Variants in REV3L observed in about 807,000 individuals in gnomAD.
REV3L encodes the protein REV3 like, DNA directed polymerase zeta catalytic subunit, also known as DNA polymerase zeta catalytic subunit.
Under a neutral mutation model 299.4 loss-of-function variants are expected in REV3L, and 69 were observed. That is an observed-to-expected ratio of 0.23 (90% CI 0.19 to 0.28). REV3L has a LOEUF of 0.28. REV3L is among the 10% of genes least tolerant of loss of function. The probability of loss-of-function intolerance (pLI) is 1.00; values close to 1 mark genes in which losing one functional copy is unlikely to be tolerated. For missense variants in REV3L, 3,128 were observed against 3,693.8 expected, an observed-to-expected ratio of 0.85 and a Z score of 3.97; for synonymous variants, 1,238 against 1,271.4, an observed-to-expected ratio of 0.97 and a Z score of 0.56.
intron 3 of REV3L, among the ~76,000 whole-genome samples, chr6:111,407,254 T>C (rs938985165): frequency 2.6e-5 from 4 of 152,230 alleles, no homozygotes; most frequent in African/African-American, 9.6e-5. Flanking sequence ...GCTATTCATA[T>C]ACATTTGGAA....
rs1779362443 is a variant in REV3L, at chr6:111,367,668, T to C, written c.6120A>G (p.Ser2040=). 6.2e-7 allele frequency: 1 copy of C among 1,614,232 alleles called. No homozygotes were observed. The highest frequency in any genetic ancestry group is 8.5e-7 in the Non-Finnish European group (1 of 1,180,034). Residue 2040 remains serine (S), a synonymous_variant, in exon 14 of 32, where the codon TCA becomes TCG. Transcript: ENST00000368802. ...VVKSAENFSS[S]VNPDDKPVVP... The stretch of plus-strand genomic sequence containing the variant: ...CTACAGGTTTGTCATCTGGGTTAAC[T>C]GAAGAGCTAAAGTTCTCAGCAGATT...
intron 1 of REV3L, among the ~76,000 whole-genome samples, chr6:111,466,803 C>T (rs1250167873): frequency 1.3e-5 from 2 of 152,124 alleles, no homozygotes; most frequent in East Asian, 1.9e-4. Context: ...GATCGCACCA[C>T]AGCACTCTAG....
intron 25 of REV3L, among the ~76,000 whole-genome samples, chr6:111,325,998 C>T (rs906921645): frequency 6.7e-6 from 1 of 150,300 alleles, no homozygotes; most frequent in Admixed American, 6.6e-5. Context: ...TTTTTAGTTT[C>T]CATAAGAGTG....
At position 111,319,660 on chromosome 6, in the gene REV3L, T is replaced by A. The variant is rs150732653; in HGVS notation, c.8351+2909A>T. On this transcript the variant is annotated intron_variant, in intron 26 of 31. Coordinates refer to ENST00000368802, the MANE Select transcript of REV3L (RefSeq NM_001372078.1). ...AAAATAACTAAACGTTTAATTGGAATGTCATCATAATTGGAAGGTCATTTA... is the reference window on the plus strand; with the variant it reads ...AAAATAACTAAACGTTTAATTGGAAAGTCATCATAATTGGAAGGTCATTTA... Among the ~76,000 whole-genome samples the A allele has an allele frequency of 3.4e-3, 512 of 151,946 alleles. 4 individuals carry two copies. The highest frequency in any genetic ancestry group is 0.012 in the African/African-American group (491 of 41,244).
At chr6:111,344,296 CTTATT>C (rs755725645) in intron 20 of REV3L, among the ~76,000 whole-genome samples, 7 of 152,146 alleles carry the variant, frequency 4.6e-5, no homozygotes, top group African/African-American at 1.4e-4. Flanking sequence ...TCATATAATA[CTTATT>C]TTAAGAGATT....
In REV3L at chr6:111,310,115, GA is replaced by G. The variant is rs777513477; in HGVS notation, c.8796-17del. 7 of 1,493,980 alleles carry G rather than the reference GA, an allele frequency of 4.7e-6. No homozygotes were observed. The highest frequency in any genetic ancestry group is 6.2e-6 in the Non-Finnish European group (7 of 1,120,752). The allele number at this position is 1,493,980 out of a possible 1,614,324, so 92.5% of individuals were successfully genotyped here. A position where few individuals can be genotyped will look rare whatever the true frequency, so the allele number is the denominator to read the frequency against. Reference sequence around the variant, plus strand: ...CAGCATTTTCCTATTCGAATTCAAAGAAAAAAACCACACCCAAATACTGTTA... The same window carrying G: ...CAGCATTTTCCTATTCGAATTCAAAGAAAAAACCACACCCAAATACTGTTA... On this transcript the variant is annotated splice_polypyrimidine_tract_variant and intron_variant, in intron 29 of 31. Coordinates refer to ENST00000368802, the MANE Select transcript of REV3L (RefSeq NM_001372078.1).
chr6:111,337,121 A>C (rs1411863096), intron 21 of REV3L, among the ~76,000 whole-genome samples: 1 of 152,122 alleles, frequency 6.6e-6, no homozygotes, highest in Non-Finnish European at 1.5e-5. Context: ...AAGGTTGAAG[A>C]GTGGTGGCTA....
At chr6:111,478,544 T>C (rs1793217276) in intron 1 of REV3L, among the ~76,000 whole-genome samples, 1 of 151,982 alleles carries the variant, frequency 6.6e-6, no homozygotes, top group Non-Finnish European at 1.5e-5. Context: ...CAAAGCAGAT[T>C]CTATTAGAGA....
chr6:111,342,079 T>G (rs1776550804), intron 21 of REV3L, among the ~76,000 whole-genome samples: 1 of 152,188 alleles, frequency 6.6e-6, no homozygotes, highest in Non-Finnish European at 1.5e-5. Flanking sequence ...GTTTGGAGAT[T>G]GAATCCTACA....
rs1279192090 is a variant in REV3L, at chr6:111,373,049, T to C, written c.5306A>G (p.Asp1769Gly). The change falls in exon 13 of 32, where the codon GAC (aspartate) becomes GGC (glycine). Residue 1769 changes from aspartate (D) to glycine (G), a missense_variant. By Grantham distance (94) the Asp-to-Gly change is moderately conservative. Around this residue, in one of 9 missense-constraint regions of REV3L, gnomAD observed 2,409 missense variants for 2,611.8 expected, o/e 0.92. Coordinates refer to ENST00000368802, the MANE Select transcript of REV3L (RefSeq NM_001372078.1). ...MDSFCVQQAE[D>G]CLSEKSRLNR... ...CAATCTAGATTTTTCACTTAGACAG[T>C]CTTCTGCCTGCTGAACACAGAAAGA... 1.9e-6 allele frequency: 3 copies of C among 1,614,168 alleles called. No individual in the cohort carries two copies. Among genetic ancestry groups the C allele is most frequent in the Non-Finnish European group, 2.5e-6 (3 of 1,180,020 alleles).
In REV3L at chr6:111,376,484, G is replaced by A. The variant is rs1026568693; in HGVS notation, c.1871C>T (p.Ser624Phe). 1 of 1,613,332 alleles carries A rather than the reference G, an allele frequency of 6.2e-7. No individual in the cohort carries two copies. Among genetic ancestry groups the A allele is most frequent in the Non-Finnish European group, 8.5e-7 (1 of 1,179,812 alleles). The change falls in exon 13 of 32, where the codon TCT (serine) becomes TTT (phenylalanine). Residue 624 changes from serine (S) to phenylalanine (F), a missense_variant. Ser to Phe is a radical substitution (Grantham distance 155). This residue lies in a region of REV3L where 2,409 missense variants were observed against 2,611.8 expected (regional missense o/e 0.92). Coordinates refer to ENST00000368802, the MANE Select transcript of REV3L (RefSeq NM_001372078.1). The part of the protein sequence containing the change: ...VTSFTNESTY[S>F]MKYPGSLSST... ...GCTTAAAGATCCAGGGTATTTCATA[G>A]AATAAGTGCTTTCGTTTGTAAAAGA...
Position 111,373,204 on chromosome 6 carries a change from C to A in REV3L, c.5151G>T (p.Trp1717Cys). Residue 1717 changes from tryptophan to cysteine, a missense_variant, in exon 13 of 32, where the codon TGG (tryptophan) becomes TGT (cysteine). Coordinates refer to ENST00000368802, the MANE Select transcript of REV3L (RefSeq NM_001372078.1). ...DKHHTTDSAS[W>C]IRSGTLSPEI... ...CAGGACTTAAAGTACCAGATCTAATCCATGAGGCTGAGTCTGTGGTATGAT... is the reference window on the plus strand; with the variant it reads ...CAGGACTTAAAGTACCAGATCTAATACATGAGGCTGAGTCTGTGGTATGAT... 6.2e-7 allele frequency: 1 copy of A among 1,614,066 alleles called. No homozygotes were observed.
chr6:111,345,762 C>A (rs531816687), intron 20 of REV3L, among the ~76,000 whole-genome samples: 26 of 152,096 alleles, frequency 1.7e-4, no homozygotes, highest in Admixed American at 1.2e-3. Context: ...TTGTCCCTTT[C>A]CTGCTGCTGC....
intron 16 of REV3L, among the ~76,000 whole-genome samples, chr6:111,361,896 G>A (rs1028049353): frequency 2.0e-5 from 3 of 152,160 alleles, no homozygotes; most frequent in Non-Finnish European, 4.4e-5. Context: ...GCCGGTTATC[G>A]GGAGGAAGAA....
At chr6:111,331,139 T>C in intron 24 of REV3L, 1 of 466,084 alleles carries the variant, frequency 2.1e-6, no homozygotes, top group Non-Finnish European at 2.8e-6. Flanking sequence ...TATTTGTCTT[T>C]AATTTGTAAA....
chr6:111,426,047 A>G (rs1338222293), intron 1 of REV3L, among the ~76,000 whole-genome samples: 2 of 152,208 alleles, frequency 1.3e-5, no homozygotes, highest in South Asian at 2.1e-4. Flanking sequence ...CAATGAGATG[A>G]CTGGTAGCTG....
chr6:111,327,511 G>A (rs1383844796), intron 25 of REV3L, among the ~76,000 whole-genome samples: 2 of 150,038 alleles, frequency 1.3e-5, no homozygotes, highest in African/African-American at 2.5e-5. Flanking sequence ...CCGTGGTTAA[G>A]CCACTGCACT....
chr6:111,477,426 A>G (rs1484261807), intron 1 of REV3L, among the ~76,000 whole-genome samples: 1 of 152,248 alleles, frequency 6.6e-6, no homozygotes, highest in Non-Finnish European at 1.5e-5. Context: ...AGGAGAGTTC[A>G]TGGTGCTCTG....
intron 1 of REV3L, chr6:111,430,638 T>C: frequency 1.3e-6 from 2 of 1,524,912 alleles, no homozygotes; most frequent in Non-Finnish European, 1.8e-6. Flanking sequence ...CAGAGGCTGC[T>C]GGCCGAGAAG....
Sources: gnomAD v4.1 joint callset for allele counts (sites outside exome capture counted in the v4.1 genomes callset) on GRCh38, gnomAD v4.1.1 for gene constraint, gnomAD v4.1.1 regional missense constraint, MANE v1.5 for transcripts, NCBI Gene and HGNC (gene_info 2026-07-23, HGNC 2026-07-21) for gene names.